The following TNNT2 variants were observed in gnomAD, a reference collection of about 807,000 sequenced individuals.
TNNT2 encodes troponin T, cardiac muscle.
TNNT2 carries 34 observed loss-of-function variants against 62.4 expected under a neutral mutation model. The ratio of observed to expected loss-of-function variants is 0.54; its 90% confidence interval spans 0.41 to 0.72. TNNT2 has a LOEUF of 0.72. Ranked by LOEUF, TNNT2 falls within the 30% of genes least tolerant of loss-of-function variation. The pLI, the probability that TNNT2 is intolerant of heterozygous loss-of-function variation, is 0.00. For missense variants in TNNT2, 275 were observed against 381.9 expected, an observed-to-expected ratio of 0.72 and a Z score of 2.33; for synonymous variants, 123 against 127.2, an observed-to-expected ratio of 0.97 and a Z score of 0.22.
At chr1:201,374,127 T>C (rs1661049339) in intron 1 of TNNT2, 1 of 152,256 alleles carries the variant, frequency 6.6e-6, no homozygotes, top group African/African-American at 2.4e-5. Flanking sequence ...CATAGATTGA[T>C]TGTATTGATG....
intron 12 of TNNT2, among the ~76,000 whole-genome samples, 176 bp from the exon 13 acceptor site, chr1:201,362,570 G>A (rs1658879230): frequency 6.6e-6 from 1 of 152,166 alleles, no homozygotes; most frequent in Admixed American, 6.5e-5. Flanking sequence ...AGCAGGGGCT[G>A]TTCGGTAGCA....
At chr1:201,362,080 C>A (rs748502761) in intron 13 of TNNT2, 58 bp from the exon 14 acceptor site, 1 of 1,582,086 alleles carries the variant, frequency 6.3e-7, no homozygotes, top group South Asian at 1.1e-5. Context: ...TGTCCCCTAA[C>A]CCTCCCCAAA....
At chr1:201,365,828 C>G (rs1426129216) in intron 8 of TNNT2, 158 bp from the exon 9 acceptor site, 1 of 1,523,932 alleles carries the variant, frequency 6.6e-7, no homozygotes, top group Non-Finnish European at 8.8e-7. Context: ...CAATGGCAGT[C>G]CTCAGCCTTG....
At chr1:201,369,322 GACGTC>G (rs1265179587) in intron 5 of TNNT2, 1 of 472,534 alleles carries the variant, frequency 2.1e-6, no homozygotes, top group East Asian at 6.9e-5. Context: ...TCTGAAGGCT[GACGTC>G]ATGTCCTTCC....
At chr1:201,368,969 C>A (rs1236721523) in intron 5 of TNNT2, among the ~76,000 whole-genome samples, 2 of 152,166 alleles carry the variant, frequency 1.3e-5, no homozygotes, top group Non-Finnish European at 2.9e-5. Flanking sequence ...CTCTCTGAAG[C>A]CTGGAGATGC....
At chr1:201,373,457 G>T (rs1660959379) in intron 1 of TNNT2, 189 bp from the exon 2 acceptor site, 1 of 636,102 alleles carries the variant, frequency 1.6e-6, no homozygotes, top group Non-Finnish European at 2.8e-6. Context: ...CACCCACATG[G>T]CAGCAAGGCC....
intron 1 of TNNT2, among the ~76,000 whole-genome samples, chr1:201,375,685 A>G (rs950580252): frequency 6.6e-6 from 1 of 152,178 alleles, no homozygotes; most frequent in African/African-American, 2.4e-5. Flanking sequence ...TAGTGACTTG[A>G]GAACTTGAGG....
chr1:201,361,894 C>G lies in TNNT2; in HGVS notation c.719+19G>C, dbSNP rs751152421. 1.9e-6 allele frequency: 3 copies of G among 1,610,644 alleles called. No homozygotes were observed. The East Asian group carries it at 6.7e-5, about 36-fold the overall frequency. ...GCAGATGCGGGCAGTGCCCCAGGAC[C>G]ATTCCTCCCAGCCCCCACCTCAGCT... is the stretch of plus-strand genomic sequence containing the variant. On this transcript the variant is annotated intron_variant, in intron 14 of 16. Transcript: ENST00000656932.
At chr1:201,359,557 A>T (rs1658202007) in intron 16 of TNNT2, 66 bp downstream of exon 16, 2 of 1,489,998 alleles carry the variant, frequency 1.3e-6, no homozygotes, top group African/African-American at 2.8e-5. Context: ...GAGGAATGGG[A>T]TAGCTGGAAG....
At chr1:201,364,222 T>C (rs2102251833) in intron 11 of TNNT2, 76 bp downstream of exon 11, 1 of 1,437,418 alleles carries the variant, frequency 7.0e-7, no homozygotes, top group Admixed American at 1.9e-5. Flanking sequence ...TGTTGATGAA[T>C]AGAGAGGGGC....
chr1:201,368,947 C>T (rs974631581), intron 5 of TNNT2, among the ~76,000 whole-genome samples: 3 of 152,200 alleles, frequency 2.0e-5, no homozygotes, highest in Non-Finnish European at 4.4e-5. Context: ...CCTCCCTTCC[C>T]AGGTCTGAGT....
At position 201,368,241 on chromosome 1, in the gene TNNT2, G is replaced by A. The variant is rs918945214; in HGVS notation, c.98-14C>T. 2.5e-6 allele frequency: 4 copies of A among 1,613,784 alleles called. No homozygotes were observed. In the African/African-American group the frequency reaches 4.0e-5, roughly 16 times the overall value. The stretch of plus-strand genomic sequence containing the variant: ...CCTCCTCCTGCTCTGGAGAAGTGAA[G>A]CAGACAGAGTGAAGAAGCAGGCCCC... On this transcript the variant is annotated splice_polypyrimidine_tract_variant and intron_variant, in intron 5 of 16. Coordinates refer to ENST00000656932, the MANE Select transcript of TNNT2 (RefSeq NM_001276345.2).
rs191774180 is a variant in TNNT2, at chr1:201,376,505, A to T, written c.-15+1118T>A. Among the ~76,000 whole-genome samples the T allele has an allele frequency of 2.2e-3, 333 of 152,142 alleles. 3 individuals are homozygous for T. Among genetic ancestry groups the T allele is most frequent in the Middle Eastern group, 0.01 (3 of 294 alleles). ...CCACCAGGAGAGCGGGGGTAAGGGG[A>T]TGGGGAGAGGGCAGGAAGAGTGGAA... On this transcript the variant is annotated intron_variant, in intron 1 of 16. Coordinates refer to ENST00000656932, the MANE Select transcript of TNNT2 (RefSeq NM_001276345.2).
At chr1:201,365,128 C>G (rs1464999514) in intron 10 of TNNT2, 63 bp downstream of exon 10, 1 of 1,436,548 alleles carries the variant, frequency 7.0e-7, no homozygotes, top group Admixed American at 1.7e-5. Context: ...TGGGGCCTCA[C>G]AAAAGGGATG....
Position 201,364,306 on chromosome 1 carries a change from G to A in TNNT2, c.481C>T (p.Arg161Cys), listed in dbSNP as rs45608937. 5.0e-6 allele frequency: 8 copies of A among 1,612,636 alleles called. No homozygotes were observed. The highest frequency in any genetic ancestry group is 4.5e-5 in the East Asian group (2 of 44,868). The change falls in exon 11 of 17, where the codon CGC (arginine) becomes TGC (cysteine). Residue 161 changes from arginine to cysteine, a missense_variant. Physicochemically the swap from Arg to Cys is radical, Grantham distance 180. Coordinates refer to ENST00000656932, the MANE Select transcript of TNNT2 (RefSeq NM_001276345.2). ...GGCTAGGGGTCACTCACAGCCAGGC[G>A]GTTCTGCCGCTCCTTCTCCCGCTCA... ...RNEREKERQN[R>C]LAEERARREE...
chr1:201,371,838 A>G lies in TNNT2; in HGVS notation c.67+189T>C, dbSNP rs150991558. On this transcript the variant is annotated intron_variant, in intron 4 of 16. Transcript: ENST00000656932. The stretch of plus-strand genomic sequence containing the variant: ...TGGCAGACAGAAGAGACAGGTTTAA[A>G]TCGTTTGCCTCAAGACCCGAGCAAC... 3.6e-3 allele frequency among the ~76,000 whole-genome samples: 554 copies of G among 152,328 alleles called. 5 individuals carry two copies. The highest frequency in any genetic ancestry group is 0.012 in the African/African-American group (516 of 41,556).
At chr1:201,368,531 G>A in intron 5 of TNNT2, 1 of 505,946 alleles carries the variant, frequency 2.0e-6, no homozygotes. Context: ...AACATGCTCT[G>A]CTTAAGCCGA....
Position 201,367,769 on chromosome 1 carries a change from A to T in TNNT2, c.199+2T>A. ...CTTGTACCTCTCTCCTGATATCCTT[A>T]CCTTCAGCCTCCTTTGCTTCCTCTT... On this transcript the variant is annotated splice_donor_variant, in intron 7 of 16. Transcript: ENST00000656932. LOFTEE classifies it high-confidence loss of function. The T allele has an allele frequency of 6.2e-7, 1 of 1,614,042 alleles. No individual in the cohort carries two copies. The highest frequency in any genetic ancestry group is 8.5e-7 in the Non-Finnish European group (1 of 1,179,994).
chr1:201,372,082 G>A (rs868516425), intron 3 of TNNT2, 41 bp from the exon 4 acceptor site: 1 of 1,614,042 alleles, frequency 6.2e-7, no homozygotes, highest in South Asian at 1.1e-5. Flanking sequence ...GAAGAGAGAA[G>A]AGGTGGGTCA....
Sources: allele counts gnomAD v4.1 joint callset (sites outside exome capture counted in the v4.1 genomes callset), GRCh38; gene constraint gnomAD v4.1.1; transcripts MANE v1.5; gene names NCBI Gene and HGNC (gene_info 2026-07-23, HGNC 2026-07-21).